ITGA10: variants seen among roughly 807,000 people sequenced by gnomAD.
ITGA10 encodes the protein integrin alpha-10.
A neutral mutation model predicts 145.2 loss-of-function variants in ITGA10; 105 were observed. The ratio of observed to expected loss-of-function variants is 0.72; its 90% confidence interval spans 0.62 to 0.85. The LOEUF is 0.85. ITGA10 is among the 40% of genes least tolerant of loss of function. The pLI is 0.00. For missense variants in ITGA10, 1,317 were observed against 1,444.5 expected, an observed-to-expected ratio of 0.91 and a Z score of 1.43; for synonymous variants, 506 against 557.8, an observed-to-expected ratio of 0.91 and a Z score of 1.31.
chr1:145,903,994 T>G, intron 7 of ITGA10, 58 bp downstream of exon 7: 1 of 1,603,374 alleles, frequency 6.2e-7, no homozygotes, highest in Non-Finnish European at 8.5e-7. Context: ...GGCCCCGCCC[T>G]AACTCTTCTA....
rs1656183741 is a variant in ITGA10, at chr1:145,900,799, A to T, written c.1782T>A (p.His594Gln). Reference protein sequence around the residue: ...YHGTQSGVRPHPAQRIAAASM... With the variant: ...YHGTQSGVRPQPAQRIAAASM... ...TTTGGGTACTCCTGACCTGGGCAGG[A>T]TGGGGCCTGACTCCACTCTGGGTTC... The change falls in exon 14 of 30, where the codon CAT becomes CAA. Residue 594 changes from histidine to glutamine, a missense_variant. By Grantham distance (24) the His-to-Gln change is conservative. Transcript: ENST00000369304. 1 of 1,614,060 alleles carries T rather than the reference A, an allele frequency of 6.2e-7. No individual in the cohort carries two copies.
intron 27 of ITGA10, among the ~76,000 whole-genome samples, chr1:145,894,138 G>A (rs1248868623): frequency 6.9e-6 from 1 of 144,054 alleles, no homozygotes; most frequent in Non-Finnish European, 1.5e-5. Flanking sequence ...TTGAGATGGA[G>A]TCTCGCTCTG....
chr1:145,894,023 C>G lies in ITGA10; in HGVS notation c.3229-388G>C, dbSNP rs587654996. Among the ~76,000 whole-genome samples the G allele has an allele frequency of 1.8e-4, 27 of 150,900 alleles. No individual in the cohort carries two copies. The South Asian group carries it at 5.5e-3, about 31-fold the overall frequency. On this transcript the variant is annotated intron_variant, in intron 27 of 29. Coordinates refer to ENST00000369304, the MANE Select transcript of ITGA10 (RefSeq NM_003637.5). The stretch of plus-strand genomic sequence containing the variant: ...TTTACTTCTGTTTTTCACTCCTGAA[C>G]TATAAGATCCTCTAGGTTAAAGGCT...
At chr1:145,907,236 G>A in intron 2 of ITGA10, 86 bp from the exon 3 acceptor site, 1 of 1,582,232 alleles carries the variant, frequency 6.3e-7, no homozygotes, top group South Asian at 1.1e-5. Flanking sequence ...GAGGTGGTAA[G>A]TTTAGAGCCC....
intron 1 of ITGA10, among the ~76,000 whole-genome samples, chr1:145,908,324 A>C (rs782565630): frequency 2.6e-5 from 4 of 152,044 alleles, no homozygotes; most frequent in Non-Finnish European, 5.9e-5. Context: ...CCAGCCTTGG[A>C]AATCTCAGTG....
Position 145,901,036 on chromosome 1 carries a change from CA to C in ITGA10, c.1588-44del. 1 of 1,613,138 alleles carries C rather than the reference CA, an allele frequency of 6.2e-7. No individual in the cohort carries two copies. Among genetic ancestry groups the C allele is most frequent in the Admixed American group, 1.7e-5 (1 of 59,996 alleles). On this transcript the variant is annotated intron_variant, in intron 13 of 29. Transcript: ENST00000369304. The surrounding 1 kb of genome is among the most constrained non-coding windows in gnomAD (Gnocchi z 4.3). ...ATAGAAGATGCTAATCTGGCAGACC[CA>C]ACCTCTCAGCAAACCCTCAAATATG...
intron 5 of ITGA10, 99 bp from the exon 6 acceptor site, chr1:145,904,910 C>A: frequency 7.9e-7 from 1 of 1,260,720 alleles, no homozygotes. Context: ...ATTTATAAGG[C>A]ACTTCTTACA....
intron 27 of ITGA10, among the ~76,000 whole-genome samples, chr1:145,894,346 A>C (rs1230681208): frequency 6.6e-6 from 1 of 151,974 alleles, no homozygotes; most frequent in Non-Finnish European, 1.5e-5. Context: ...TCCTGATCTC[A>C]TGATCTGCCC....
intron 6 of ITGA10, 45 bp from the exon 7 acceptor site, chr1:145,904,245 G>C (rs782143865): frequency 6.3e-6 from 10 of 1,593,164 alleles, no homozygotes; most frequent in Non-Finnish European, 7.8e-6. Flanking sequence ...ATGTGAGATG[G>C]GGGGAGAGGA....
chr1:145,897,907 G>A lies in ITGA10; in HGVS notation c.2347-7C>T. On this transcript the variant is annotated splice_polypyrimidine_tract_variant and splice_region_variant and intron_variant, in intron 18 of 29. Coordinates refer to ENST00000369304, the MANE Select transcript of ITGA10 (RefSeq NM_003637.5). Reference sequence around the variant, plus strand: ...AATCCTTTGAGAAGGGGACCTGGAAGAAAGGGAAGGGGCTAAGGGTTGAGA... The same window carrying A: ...AATCCTTTGAGAAGGGGACCTGGAAAAAAGGGAAGGGGCTAAGGGTTGAGA... The A allele has an allele frequency of 6.2e-7, 1 of 1,609,420 alleles. No individual in the cohort carries two copies. Among genetic ancestry groups the A allele is most frequent in the Non-Finnish European group, 8.5e-7 (1 of 1,175,698 alleles).
intron 2 of ITGA10, 71 bp from the exon 3 acceptor site, chr1:145,907,221 G>C: frequency 1.3e-6 from 2 of 1,572,734 alleles, no homozygotes; most frequent in South Asian, 1.2e-5. Context: ...AAGGGAAAGA[G>C]CATGGAGGTG....
In ITGA10 at chr1:145,896,337, G is replaced by A. The variant is rs1037842279; in HGVS notation, c.2850C>T (p.His950=). The change falls in exon 24 of 30, where the codon CAC becomes CAT. Residue 950 remains histidine (H), a synonymous_variant. Transcript: ENST00000369304. ...TCCCATATGGGTGAACCTCATAGCG[G>A]TGCAGGGTAGACTCACTGTGTGAAC... is the stretch of plus-strand genomic sequence containing the variant. ...HLLFSSESTL[H]RYEVHPYGTL... The A allele has an allele frequency of 1.2e-5, 19 of 1,613,730 alleles. No individual in the cohort carries two copies. The highest frequency in any genetic ancestry group is 1.6e-5 in the Non-Finnish European group (19 of 1,179,740).
In ITGA10 at chr1:145,900,794, G is replaced by A. The variant is rs1263338398; in HGVS notation, c.1787C>T (p.Ala596Val). ...CTTTATTTGGGTACTCCTGACCTGG[G>A]CAGGATGGGGCCTGACTCCACTCTG... Reference protein sequence around the residue: ...GTQSGVRPHPAQRIAAASMPH... With the variant: ...GTQSGVRPHPVQRIAAASMPH... The change falls in exon 14 of 30, where the codon GCC becomes GTC. Residue 596 changes from alanine to valine, a missense_variant. Physicochemically the swap from Ala to Val is moderately conservative, Grantham distance 64 (BLOSUM62 0). Coordinates refer to ENST00000369304, the MANE Select transcript of ITGA10 (RefSeq NM_003637.5). The A allele has an allele frequency of 6.2e-7, 1 of 1,613,930 alleles. No individual in the cohort carries two copies. The highest frequency in any genetic ancestry group is 1.7e-5 in the Admixed American group (1 of 59,996).
intron 6 of ITGA10, 38 bp from the exon 7 acceptor site, chr1:145,904,238 T>G: frequency 6.2e-7 from 1 of 1,604,040 alleles, no homozygotes. Context: ...TGTATGTATG[T>G]GAGATGGGGG....
Position 145,893,688 on chromosome 1 carries a change from A to G in ITGA10, c.3229-53T>C, listed in dbSNP as rs1022270070. Reference sequence around the variant, plus strand: ...TTAAAATGAGCCATTATCAGGTGATATAGTTCTTTGGAATCCCAACAGCAA... The same window carrying G: ...TTAAAATGAGCCATTATCAGGTGATGTAGTTCTTTGGAATCCCAACAGCAA... On this transcript the variant is annotated intron_variant, in intron 27 of 29. Transcript: ENST00000369304. 6 of 1,423,410 alleles carry G rather than the reference A, an allele frequency of 4.2e-6. No homozygotes were observed. The East Asian group carries it at 1.2e-4, about 28-fold the overall frequency. 88.2% of individuals were successfully genotyped at this position (1,423,410 alleles called of 1,614,324 possible).
At position 145,899,176 on chromosome 1, in the gene ITGA10, G is replaced by A. The variant is rs376169270; in HGVS notation, c.2088C>T (p.Phe696=). 15 of 1,614,116 alleles carry A rather than the reference G, an allele frequency of 9.3e-6. No homozygotes were observed. Among genetic ancestry groups the A allele is most frequent in the East Asian group, 2.2e-5 (1 of 44,894 alleles). ...CTGTGATGCATTTTAGTCACTCACA[G>A]AATTGGTGATCCCAGCGACCAGGAG... ...SRTPGRWDHQ[F]YMRFTASLDE... Residue 696 remains phenylalanine, a splice_region_variant and synonymous_variant, in exon 16 of 30, where the codon TTC becomes TTT. Coordinates refer to ENST00000369304, the MANE Select transcript of ITGA10 (RefSeq NM_003637.5).
chr1:145,893,428 G>A (rs1481318664), intron 28 of ITGA10, 112 bp downstream of exon 28: 1 of 961,658 alleles, frequency 1.0e-6, no homozygotes, highest in African/African-American at 1.6e-5. Flanking sequence ...TGGAACACTA[G>A]GATCCTGCTG....
At chr1:145,907,190 C>T (rs1323393632) in intron 2 of ITGA10, 40 bp from the exon 3 acceptor site, 3 of 1,561,026 alleles carry the variant, frequency 1.9e-6, no homozygotes, top group East Asian at 2.4e-5. Flanking sequence ...ACAGGGCAAA[C>T]ATGACCCTTG....
Position 145,897,856 on chromosome 1 carries a change from T to TG in ITGA10, c.2390dup (p.Asp798ArgfsTer51). The TG allele has an allele frequency of 1.9e-6, 3 of 1,614,088 alleles. No homozygotes were observed. The highest frequency in any genetic ancestry group is 2.5e-6 in the Non-Finnish European group (3 of 1,180,002). The stretch of plus-strand genomic sequence containing the variant: ...CCATATTCACTTGAAGCACCAGGTC[T>TG]GTGACACATTCATTGTCAGGGCCAC... On this transcript the variant is annotated frameshift_variant, in exon 19 of 30. Coordinates refer to ENST00000369304, the MANE Select transcript of ITGA10 (RefSeq NM_003637.5). LOFTEE classifies it high-confidence loss of function.
Sources: allele counts gnomAD v4.1 joint callset (sites outside exome capture counted in the v4.1 genomes callset), GRCh38; gene constraint gnomAD v4.1.1; non-coding constraint Gnocchi (gnomAD v3.1); transcripts MANE v1.5; gene names NCBI Gene and HGNC (gene_info 2026-07-23, HGNC 2026-07-21).